MAP2K4: variants seen among roughly 807,000 people sequenced by gnomAD.
MAP2K4 encodes the protein dual specificity mitogen-activated protein kinase kinase 4.
A neutral mutation model predicts 48.5 loss-of-function variants in MAP2K4; 4 were observed. The observed-to-expected ratio is 0.08, with a 90% confidence interval of 0.04 to 0.19. The LOEUF is 0.19. MAP2K4 is among the 10% of genes least tolerant of loss of function. The probability of loss-of-function intolerance (pLI) is 1.00; values close to 1 mark genes in which losing one functional copy is unlikely to be tolerated. For synonymous variants in MAP2K4, 166 were observed against 173.1 expected, an observed-to-expected ratio of 0.96 and a Z score of 0.32; for missense variants, 258 against 493.3, an observed-to-expected ratio of 0.52 and a Z score of 4.52.
In MAP2K4 at chr17:12,143,175, T is replaced by C. The variant is rs1973429246; in HGVS notation, c.*1915T>C. 3 of 232,928 alleles carry C rather than the reference T, an allele frequency of 1.3e-5. No individual in the cohort carries two copies. The highest frequency in any genetic ancestry group is 6.6e-5 in the African/African-American group (3 of 45,296). 14.4% of individuals were successfully genotyped at this position (232,928 alleles called of 1,614,324 possible). On this transcript the variant is annotated 3_prime_UTR_variant, in exon 11 of 11. Transcript: ENST00000353533. ...ACAGCAAGCCATCATCCTCCATTGCTCCCGGGGACTCAAGAGGAATCTGTT... is the reference window on the plus strand; with the variant it reads ...ACAGCAAGCCATCATCCTCCATTGCCCCCGGGGACTCAAGAGGAATCTGTT...
intron 2 of MAP2K4, among the ~76,000 whole-genome samples, chr17:12,064,573 T>C (rs1316910191): frequency 6.6e-6 from 1 of 152,176 alleles, no homozygotes; most frequent in African/African-American, 2.4e-5. Flanking sequence ...CCAGGCAATA[T>C]CTTGGCAAAT....
At chr17:12,119,795 T>C (rs1368241314) in intron 7 of MAP2K4, among the ~76,000 whole-genome samples, 1 of 152,234 alleles carries the variant, frequency 6.6e-6, no homozygotes, top group African/African-American at 2.4e-5. Flanking sequence ...ATATACACTG[T>C]GGAATACTCT....
At position 12,066,691 on chromosome 17, in the gene MAP2K4, G is replaced by C. The variant is rs1238564903; in HGVS notation, c.218+11700G>C. On this transcript the variant is annotated intron_variant, in intron 2 of 10. Coordinates refer to ENST00000353533, the MANE Select transcript of MAP2K4 (RefSeq NM_003010.4). ...TTTTAGGCATGCACTACCACACATG[G>C]CTAATTTTTTTTTTTTGAGACGGAG... is the stretch of plus-strand genomic sequence containing the variant. 2.6e-5 allele frequency among the ~76,000 whole-genome samples: 4 copies of C among 151,996 alleles called. No individual in the cohort carries two copies. In the East Asian group the frequency reaches 7.7e-4, roughly 29 times the overall value.
At chr17:12,114,627 C>T (rs1026269379) in intron 7 of MAP2K4, among the ~76,000 whole-genome samples, 5 of 151,834 alleles carry the variant, frequency 3.3e-5, no homozygotes, top group Non-Finnish European at 7.4e-5. Flanking sequence ...AAGGATACCC[C>T]GAGAATGAAC....
rs1970601938 is a variant in MAP2K4, at chr17:12,065,883, T to A, written c.218+10892T>A. On this transcript the variant is annotated intron_variant, in intron 2 of 10. Transcript: ENST00000353533. ...ACACTGTGCTTTTAATGAATTCAGCTTTTATGCCTGTGGAACAATACTGTG... is the reference window on the plus strand; with the variant it reads ...ACACTGTGCTTTTAATGAATTCAGCATTTATGCCTGTGGAACAATACTGTG... Among the ~76,000 whole-genome samples the A allele has an allele frequency of 2.6e-5, 4 of 152,224 alleles. No homozygotes were observed. In the South Asian group the frequency reaches 8.3e-4, roughly 32 times the overall value.
intron 1 of MAP2K4, among the ~76,000 whole-genome samples, chr17:12,039,225 C>T (rs1301728960): frequency 6.6e-6 from 1 of 152,150 alleles, no homozygotes; most frequent in Non-Finnish European, 1.5e-5. Context: ...GTCAGGAGAC[C>T]TGTGAAGTCA....
intron 1 of MAP2K4, among the ~76,000 whole-genome samples, chr17:12,023,178 T>C (rs1354289667): frequency 6.6e-6 from 1 of 152,216 alleles, no homozygotes; most frequent in Non-Finnish European, 1.5e-5. Context: ...CTTGAAACTT[T>C]TTTCATTAGT....
intron 2 of MAP2K4, among the ~76,000 whole-genome samples, chr17:12,073,053 T>C (rs372004188): frequency 1.3e-5 from 2 of 152,220 alleles, no homozygotes; most frequent in East Asian, 3.8e-4. Context: ...TGCTAAAATA[T>C]TTATTAAGAA....
At chr17:12,106,929 A>C (rs895516283) in intron 4 of MAP2K4, among the ~76,000 whole-genome samples, 1 of 151,742 alleles carries the variant, frequency 6.6e-6, no homozygotes, top group Non-Finnish European at 1.5e-5. Context: ...CTCGGTTTCT[A>C]GTTTTGTTTT....
intron 1 of MAP2K4, among the ~76,000 whole-genome samples, chr17:12,035,254 A>G (rs1193914483): frequency 6.6e-6 from 1 of 152,234 alleles, no homozygotes; most frequent in East Asian, 1.9e-4. Context: ...ACGGTGGCTC[A>G]TGCCTGTAAT....
At chr17:12,045,883 AT>A (rs1969945186) in intron 1 of MAP2K4, among the ~76,000 whole-genome samples, 1 of 152,230 alleles carries the variant, frequency 6.6e-6, no homozygotes, top group Non-Finnish European at 1.5e-5. Flanking sequence ...AAAAACACAA[AT>A]GCCCTTTGGA....
chr17:12,116,332 CAGTGAGTGAGTG>C (rs1296955015), intron 7 of MAP2K4, among the ~76,000 whole-genome samples: 1 of 152,112 alleles, frequency 6.6e-6, no homozygotes, highest in Non-Finnish European at 1.5e-5. Flanking sequence ...CTGGATGAGT[CAGTGAGTGAGTG>C]GTAAGTGAAT....
rs1175477238 is a variant in MAP2K4, at chr17:12,062,526, AG to A, written c.218+7538del. The stretch of plus-strand genomic sequence containing the variant: ...ATTTTTAAATTATTTTGTAGAGGAC[AG>A]GGTCTTGCTATGTTGCCCAGGATGG... On this transcript the variant is annotated intron_variant, in intron 2 of 10. Transcript: ENST00000353533. Among the ~76,000 whole-genome samples the A allele has an allele frequency of 2.6e-5, 4 of 152,140 alleles. No homozygotes were observed. In the East Asian group the frequency reaches 7.7e-4, roughly 29 times the overall value.
intron 7 of MAP2K4, among the ~76,000 whole-genome samples, chr17:12,113,656 C>G (rs1972381879): frequency 6.6e-6 from 1 of 152,168 alleles, no homozygotes; most frequent in Non-Finnish European, 1.5e-5. Flanking sequence ...ATGGTAACTT[C>G]TCAGAAAGTT....
Position 12,139,851 on chromosome 17 carries a change from T to G in MAP2K4, c.1053T>G (p.Asp351Glu), listed in dbSNP as rs1294064382. The G allele has an allele frequency of 1.2e-6, 2 of 1,606,010 alleles. No individual in the cohort carries two copies. Among genetic ancestry groups the G allele is most frequent in the South Asian group, 2.2e-5 (2 of 89,792 alleles). ...INFVNLCLTKDESKRPKYKEL... is the reference protein window; with the variant it reads ...INFVNLCLTKEESKRPKYKEL... ...TATGTTATTTTAGCCTTACGAAGGA[T>G]GAATCCAAAAGGCCAAAGTATAAAG... is the stretch of plus-strand genomic sequence containing the variant. Residue 351 changes from aspartate (D) to glutamate (E), a missense_variant, in exon 10 of 11, where the codon GAT becomes GAG. Physicochemically the swap from Asp to Glu is conservative, Grantham distance 45. Around this residue, in one of 3 missense-constraint regions of MAP2K4, gnomAD observed 57 missense variants for 84.3 expected, o/e 0.68. Coordinates refer to ENST00000353533, the MANE Select transcript of MAP2K4 (RefSeq NM_003010.4).
chr17:12,048,282 TGTG>T (rs1303994620), intron 1 of MAP2K4, among the ~76,000 whole-genome samples: 1 of 152,236 alleles, frequency 6.6e-6, no homozygotes, highest in African/African-American at 2.4e-5. Flanking sequence ...TGTTTGTAAT[TGTG>T]GTATTTCTGC....
At chr17:12,064,702 G>A (rs1047847718) in intron 2 of MAP2K4, among the ~76,000 whole-genome samples, 4 of 152,156 alleles carry the variant, frequency 2.6e-5, no homozygotes, top group Non-Finnish European at 5.9e-5. Flanking sequence ...TGACCCAGCA[G>A]TCCTACCTTT....
intron 3 of MAP2K4, among the ~76,000 whole-genome samples, chr17:12,086,521 A>T (rs1971366884): frequency 6.6e-6 from 1 of 152,146 alleles, no homozygotes; most frequent in African/African-American, 2.4e-5. Flanking sequence ...ACAGAATTGG[A>T]TGTGCAACCC....
intron 9 of MAP2K4, among the ~76,000 whole-genome samples, chr17:12,130,634 AG>A (rs1972991657): frequency 6.6e-6 from 1 of 152,186 alleles, no homozygotes; most frequent in South Asian, 2.1e-4. Flanking sequence ...TGACAGTTTT[AG>A]ACATTGGAGT....
Sources: gnomAD v4.1 joint callset for allele counts (sites outside exome capture counted in the v4.1 genomes callset) on GRCh38, gnomAD v4.1.1 for gene constraint, gnomAD v4.1.1 regional missense constraint, MANE v1.5 for transcripts, NCBI Gene and HGNC (gene_info 2026-07-23, HGNC 2026-07-21) for gene names.